APBB2: variants seen among roughly 807,000 people sequenced by gnomAD.
The protein encoded by APBB2 is Fe65-like 1.
Under a neutral mutation model 82.5 loss-of-function variants are expected in APBB2, and 38 were observed. That is an observed-to-expected ratio of 0.46 (90% CI 0.36 to 0.60). The LOEUF is 0.60. APBB2 is among the 20% of genes least tolerant of loss of function. APBB2 has a pLI of 0.00. For missense variants in APBB2, 772 were observed against 972.3 expected (o/e 0.79, Z 2.74); for synonymous variants, 341 against 368.2 (o/e 0.93, Z 0.85).
chr4:41,009,085 G>A (rs1807595529), intron 6 of APBB2, among the ~76,000 whole-genome samples: 1 of 152,072 alleles, frequency 6.6e-6, no homozygotes, highest in African/African-American at 2.4e-5. Flanking sequence ...GGTTCAAAAT[G>A]ATGCATCTTT....
At chr4:40,977,634 TTG>T (rs1797516984) in intron 6 of APBB2, among the ~76,000 whole-genome samples, 1 of 152,180 alleles carries the variant, frequency 6.6e-6, no homozygotes, top group African/African-American at 2.4e-5. Flanking sequence ...TTAAAGAAAC[TTG>T]TGTTTTAATA....
At chr4:41,033,584 T>TCACACACA (rs71915197) in intron 4 of APBB2, among the ~76,000 whole-genome samples, 11,621 of 130,614 alleles carry the variant, frequency 0.089, 620 homozygotes, top group Middle Eastern at 0.15. Flanking sequence ...CTTTTTCTCA[T>TCACACACA]CACACACACA....
chr4:40,905,054 G>A (rs956986653), intron 10 of APBB2, among the ~76,000 whole-genome samples: 1 of 152,086 alleles, frequency 6.6e-6, no homozygotes, highest in Admixed American at 6.5e-5. Flanking sequence ...ACACATAACT[G>A]GAAAAGCTCC....
At chr4:41,020,881 G>A (rs62412126) in intron 5 of APBB2, among the ~76,000 whole-genome samples, 1 of 152,126 alleles carries the variant, frequency 6.6e-6, no homozygotes, top group Non-Finnish European at 1.5e-5. Context: ...ACCTTCTTAG[G>A]GGAAGAGTGT....
At chr4:40,825,787 G>T in intron 15 of APBB2, 100 bp downstream of exon 15, 1 of 854,006 alleles carries the variant, frequency 1.2e-6, no homozygotes, top group East Asian at 2.5e-5. Context: ...AAGACAAGGC[G>T]TGAGAGTAAA....
chr4:40,851,107 A>ATTTTTTT (rs1759195490), intron 12 of APBB2, among the ~76,000 whole-genome samples: 18 of 152,196 alleles, frequency 1.2e-4, no homozygotes, highest in Admixed American at 1.2e-3. Flanking sequence ...GCTGTCAAAA[A>ATTTTTTT]AAACAATGAA....
intron 2 of APBB2, among the ~76,000 whole-genome samples, chr4:41,120,471 G>A (rs905171447): frequency 6.6e-6 from 1 of 152,122 alleles, no homozygotes; most frequent in Non-Finnish European, 1.5e-5. Flanking sequence ...AACAGACCTC[G>A]TTCCAGTGCT....
chr4:41,065,077 A>C (rs1175137506), intron 4 of APBB2, among the ~76,000 whole-genome samples: 1 of 152,138 alleles, frequency 6.6e-6, no homozygotes, highest in African/African-American at 2.4e-5. Flanking sequence ...TCTTGAGCCT[A>C]GGAGGTCAAG....
Position 40,935,827 on chromosome 4 carries a change from C to A in APBB2, c.1045-688G>T, listed in dbSNP as rs1317834000. Among the ~76,000 whole-genome samples, 3 of 151,700 alleles carry A rather than the reference C, an allele frequency of 2.0e-5. No homozygotes were observed. In the South Asian group the frequency reaches 6.2e-4, roughly 32 times the overall value. ...CTTGATCATGAAATGATTTTCTAAA[C>A]GTAATTATAGTGCAAGGCATGAAGC... is the stretch of plus-strand genomic sequence containing the variant. On this transcript the variant is annotated intron_variant, in intron 7 of 17. Coordinates refer to ENST00000508593, the MANE Select transcript of APBB2 (RefSeq NM_004307.2).
At chr4:40,918,976 C>A (rs181899351) in intron 10 of APBB2, among the ~76,000 whole-genome samples, 20 of 151,850 alleles carry the variant, frequency 1.3e-4, no homozygotes, top group Admixed American at 3.3e-4. Flanking sequence ...TCTTTTTTAG[C>A]TAGTATAAAA....
intron 10 of APBB2, among the ~76,000 whole-genome samples, chr4:40,915,189 C>T (rs1023690735): frequency 7.9e-5 from 12 of 152,218 alleles, no homozygotes; most frequent in Admixed American, 3.9e-4. Context: ...GGGCTCCCCC[C>T]ACCCTCCCAA....
intron 12 of APBB2, among the ~76,000 whole-genome samples, chr4:40,859,362 T>C (rs1179272271): frequency 1.3e-5 from 2 of 151,920 alleles, no homozygotes; most frequent in African/African-American, 4.8e-5. Context: ...CCTCCTCCTC[T>C]TGGGTTCAAG....
Position 41,013,694 on chromosome 4 carries a change from T to C in APBB2, c.724A>G (p.Lys242Glu), listed in dbSNP as rs1230335824. 6.2e-7 allele frequency: 1 copy of C among 1,614,074 alleles called. No individual in the cohort carries two copies. Among genetic ancestry groups the C allele is most frequent in the Non-Finnish European group, 8.5e-7 (1 of 1,180,024 alleles). ...TKKDHPKTGA[K>E]TDCALHRIQN... is the part of the protein sequence containing the mutation. ...ATCCGGTGCAGTGCACAGTCGGTTT[T>C]GGCCCCTGTTTTCGGATGATCCTTC... The change falls in exon 6 of 18, where the codon AAA (lysine) becomes GAA (glutamate). Residue 242 changes from lysine (K) to glutamate (E), a missense_variant. Transcript: ENST00000508593.
chr4:41,146,489 G>A (rs143840137), intron 1 of APBB2, among the ~76,000 whole-genome samples: 1,632 of 152,018 alleles, frequency 0.011, 21 homozygotes, highest in South Asian at 0.058. Flanking sequence ...ACAAGACCCC[G>A]TCTCAGAAAA....
At chr4:40,900,070 G>A (rs1045755737) in intron 10 of APBB2, among the ~76,000 whole-genome samples, 2 of 152,172 alleles carry the variant, frequency 1.3e-5, no homozygotes, top group South Asian at 2.1e-4. Flanking sequence ...ATATAACAAC[G>A]TTAAGTTACA....
At chr4:41,146,268 G>C (rs1039845103) in intron 1 of APBB2, among the ~76,000 whole-genome samples, 19 of 143,998 alleles carry the variant, frequency 1.3e-4, no homozygotes, top group African/African-American at 4.4e-4. Flanking sequence ...GGAGATTACA[G>C]TGAGCTAAGA....
Position 41,113,607 on chromosome 4 carries a change from T to C in APBB2, c.-260-12857A>G, listed in dbSNP as rs749571081. 4.4e-4 allele frequency among the ~76,000 whole-genome samples: 67 copies of C among 152,200 alleles called. 1 individual carries two copies. Among genetic ancestry groups the C allele is most frequent in the Admixed American group, 2.0e-4 (3 of 15,288 alleles). Reference sequence around the variant, plus strand: ...TACAATACACAGCCTTTTGCCTGGATTCTGGTTTAAAATTTTGTTAAAACA... The same window carrying C: ...TACAATACACAGCCTTTTGCCTGGACTCTGGTTTAAAATTTTGTTAAAACA... On this transcript the variant is annotated intron_variant, in intron 2 of 17. Transcript: ENST00000508593.
chr4:41,024,614 G>T (rs772548111), intron 5 of APBB2, among the ~76,000 whole-genome samples: 4 of 152,220 alleles, frequency 2.6e-5, no homozygotes, highest in Non-Finnish European at 5.9e-5. Flanking sequence ...TCAAAGGAAT[G>T]TGCCCTGGAG....
At chr4:41,150,733 C>T (rs1560887580) in intron 1 of APBB2, among the ~76,000 whole-genome samples, 2 of 152,092 alleles carry the variant, frequency 1.3e-5, no homozygotes, top group Non-Finnish European at 2.9e-5. Context: ...ACCTCCTCAC[C>T]GTTTTTTGTT....
Sources: allele counts gnomAD v4.1 joint callset (sites outside exome capture counted in the v4.1 genomes callset), GRCh38; gene constraint gnomAD v4.1.1; transcripts MANE v1.5; gene names NCBI Gene and HGNC (gene_info 2026-07-23, HGNC 2026-07-21).